The following ASTN2 variants were observed in gnomAD, a reference collection of about 807,000 sequenced individuals.
The protein encoded by ASTN2 is astrotactin 2.
ASTN2 carries 54 observed loss-of-function variants against 139.8 expected under a neutral mutation model. That is an observed-to-expected ratio of 0.39 (90% CI 0.31 to 0.48). ASTN2 has a LOEUF of 0.48. Ranked by LOEUF, ASTN2 falls within the 20% of genes least tolerant of loss-of-function variation. ASTN2 has a pLI of 0.95. For missense variants in ASTN2, 1,565 were observed against 1,725.1 expected, an observed-to-expected ratio of 0.91 and a Z score of 1.64; for synonymous variants, 756 against 719.5, an observed-to-expected ratio of 1.05 and a Z score of -0.81.
chr9:117,041,395 TC>T (rs1838567112), intron 5 of ASTN2, among the ~76,000 whole-genome samples: 1 of 152,170 alleles, frequency 6.6e-6, no homozygotes, highest in Non-Finnish European at 1.5e-5. Flanking sequence ...CCTTAAAGCC[TC>T]CCCCTCCTGA....
intron 4 of ASTN2, among the ~76,000 whole-genome samples, chr9:117,141,038 CAG>C (rs1018430514): frequency 1.7e-4 from 26 of 152,302 alleles, no homozygotes; most frequent in African/African-American, 6.0e-4. Context: ...ATCTACTTTG[CAG>C]AGGTCCTGGT....
chr9:116,797,784 A>G (rs937069187), intron 13 of ASTN2, among the ~76,000 whole-genome samples: 2 of 152,130 alleles, frequency 1.3e-5, no homozygotes, highest in African/African-American at 4.8e-5. Context: ...TTCTGCCACT[A>G]ATTCTCTATG....
chr9:117,105,529 G>C (rs1409599475), intron 4 of ASTN2, among the ~76,000 whole-genome samples: 1 of 152,166 alleles, frequency 6.6e-6, no homozygotes, highest in Non-Finnish European at 1.5e-5. Context: ...GTGGAACTGA[G>C]ATAATTCACC....
intron 2 of ASTN2, among the ~76,000 whole-genome samples, chr9:117,229,098 T>C (rs62564687): frequency 0.48 from 73,387 of 151,972 alleles, 17,991 homozygotes; most frequent in South Asian, 0.62. Flanking sequence ...CAGCTACCTG[T>C]CACCTTACCC....
intron 2 of ASTN2, among the ~76,000 whole-genome samples, chr9:117,244,921 C>G (rs1317744038): frequency 6.6e-6 from 1 of 152,078 alleles, no homozygotes; most frequent in South Asian, 2.1e-4. Flanking sequence ...TTGTTTAATG[C>G]ACGATTATTT....
intron 2 of ASTN2, among the ~76,000 whole-genome samples, chr9:117,241,413 G>C (rs1162236205): frequency 6.6e-6 from 1 of 152,138 alleles, no homozygotes; most frequent in Non-Finnish European, 1.5e-5. Context: ...AAGACCTATA[G>C]AGCAGCATTT....
intron 13 of ASTN2, among the ~76,000 whole-genome samples, chr9:116,767,031 C>T (rs575402616): frequency 5.9e-5 from 9 of 151,862 alleles, no homozygotes; most frequent in Admixed American, 2.0e-4. Flanking sequence ...CACATAAACA[C>T]ACACAATCAT....
intron 4 of ASTN2, among the ~76,000 whole-genome samples, chr9:117,105,260 C>G (rs559478173): frequency 1.6e-3 from 249 of 152,208 alleles, no homozygotes; most frequent in African/African-American, 5.6e-3. Flanking sequence ...AGCAATAAAG[C>G]TTTTGTCTGG....
chr9:117,145,354 C>T (rs555476103), intron 3 of ASTN2, among the ~76,000 whole-genome samples: 5 of 152,224 alleles, frequency 3.3e-5, no homozygotes, highest in Non-Finnish European at 5.9e-5. Flanking sequence ...CTTGTGCTGG[C>T]TGTTCTCCAT....
intron 19 of ASTN2, among the ~76,000 whole-genome samples, chr9:116,533,143 A>G (rs1418526297): frequency 1.3e-5 from 2 of 152,176 alleles, no homozygotes; most frequent in Non-Finnish European, 2.9e-5. Flanking sequence ...GAGTTCACTT[A>G]TGATTTGGCT....
At chr9:116,519,835 T>G (rs529433794) in intron 19 of ASTN2, among the ~76,000 whole-genome samples, 1 of 152,076 alleles carries the variant, frequency 6.6e-6, no homozygotes, top group South Asian at 2.1e-4. Context: ...TTACAACTGA[T>G]ATCACAAAAA....
chr9:117,235,239 TAA>T (rs558846312), intron 2 of ASTN2, among the ~76,000 whole-genome samples: 17 of 134,632 alleles, frequency 1.3e-4, no homozygotes, highest in Admixed American at 1.5e-4. Flanking sequence ...CTGTCTCAAT[TAA>T]AAAAAAAAAA....
At chr9:116,530,094 G>GATATATAT (rs3984942) in intron 19 of ASTN2, among the ~76,000 whole-genome samples, 19 of 51,046 alleles carry the variant, frequency 3.7e-4, no homozygotes, top group East Asian at 8.5e-4. Context: ...GATAAAGTGT[G>GATATATAT]ATATATATAT....
chr9:116,847,298 T>A (rs1370155301), intron 11 of ASTN2, among the ~76,000 whole-genome samples: 1 of 152,096 alleles, frequency 6.6e-6, no homozygotes, highest in African/African-American at 2.4e-5. Flanking sequence ...GTATTTTTAG[T>A]AGAGACGGCG....
At chr9:116,565,383 CTCTCCATATATATATATATATATATATA>C (rs1254063189) in intron 19 of ASTN2, among the ~76,000 whole-genome samples, 2 of 36,086 alleles carry the variant, frequency 5.5e-5, no homozygotes, top group African/African-American at 3.0e-4. Context: ...CTCTCTCTCT[CTCTCCATATATATATATATATATATATA>C]TATATATATA....
chr9:116,618,182 T>C, intron 19 of ASTN2, 142 bp downstream of exon 19: 1 of 865,030 alleles, frequency 1.2e-6, no homozygotes, highest in East Asian at 2.7e-5. Context: ...CACACAAGGA[T>C]GGACAGCGAA....
chr9:117,368,686 G>T (rs1253650698), intron 1 of ASTN2, among the ~76,000 whole-genome samples: 1 of 151,898 alleles, frequency 6.6e-6, no homozygotes, highest in Non-Finnish European at 1.5e-5. Flanking sequence ...AGTTTCCAGG[G>T]GACCAGAATA....
intron 13 of ASTN2, among the ~76,000 whole-genome samples, chr9:116,796,357 C>T (rs558765235): frequency 4.6e-5 from 7 of 152,220 alleles, no homozygotes; most frequent in Non-Finnish European, 8.8e-5. Context: ...TTCGCTTTCC[C>T]GAATCCCTTT....
At chr9:117,098,674 G>A (rs13298697) in intron 4 of ASTN2, among the ~76,000 whole-genome samples, 28,595 of 151,846 alleles carry the variant, frequency 0.19, 3,040 homozygotes, top group East Asian at 0.31. Flanking sequence ...TAGCTTTGAA[G>A]TGGAATTGGC....
Sources: allele counts gnomAD v4.1 joint callset (sites outside exome capture counted in the v4.1 genomes callset), GRCh38; gene constraint gnomAD v4.1.1; transcripts MANE v1.5; gene names NCBI Gene and HGNC (gene_info 2026-07-23, HGNC 2026-07-21).